MTFP1: variants seen among roughly 807,000 people sequenced by gnomAD.
The protein encoded by MTFP1 is mitochondrial fission process protein 1.
In MTFP1, 19 loss-of-function variants were observed where a neutral mutation model predicts 17.1. That is an observed-to-expected ratio of 1.11 (90% CI 0.77 to 1.63). MTFP1 has a LOEUF of 1.63. MTFP1 is among the 40% of genes most tolerant of loss of function. The pLI is 0.00. For synonymous variants in MTFP1, 89 were observed against 95.2 expected, an observed-to-expected ratio of 0.93 and a Z score of 0.38; for missense variants, 221 against 226.2, an observed-to-expected ratio of 0.98 and a Z score of 0.15.
chr22:30,426,253 C>T (rs1934666342), intron 1 of MTFP1, among the ~76,000 whole-genome samples: 2 of 152,132 alleles, frequency 1.3e-5, no homozygotes, highest in African/African-American at 4.8e-5. Context: ...CTGTCTGAAC[C>T]TCAGTTTCCT....
rs1263630676 is a variant in MTFP1 at position 30,427,221 on chromosome 22, G to A, written c.246G>A (p.Val82=). The change falls in exon 3 of 4, where the codon GTG becomes GTA. Residue 82 remains valine, a synonymous_variant. Transcript: ENST00000266263. Reference sequence around the variant, plus strand: ...GCGCCAGGGTGACTGTGGCTGTGGTGGACACCTTTGTATGGCAGGCTCTAG... The same window carrying A: ...GCGCCAGGGTGACTGTGGCTGTGGTAGACACCTTTGTATGGCAGGCTCTAG... ...GRSARVTVAV[V]DTFVWQALAS... is the part of the protein sequence containing the mutation. 6.2e-7 allele frequency: 1 copy of A among 1,613,964 alleles called. No homozygotes were observed. The highest frequency in any genetic ancestry group is 1.3e-5 in the African/African-American group (1 of 74,936).
rs1035324751 is a variant in MTFP1 at position 30,425,964 on chromosome 22, G to A, written c.67+18G>A. ...ATACCTGGGTGAGCGCGGGGCGACG[G>A]GCGCGGCGACCCCACCACCACTGGG... On this transcript the variant is annotated intron_variant, in intron 1 of 3. Transcript: ENST00000266263. 2.7e-6 allele frequency: 4 copies of A among 1,497,990 alleles called. No individual in the cohort carries two copies. Among genetic ancestry groups the A allele is most frequent in the Admixed American group, 2.3e-5 (1 of 43,944 alleles). The allele number at this position is 1,497,990 out of a possible 1,614,324, so 92.8% of individuals were successfully genotyped here. A position where few individuals can be genotyped will look rare whatever the true frequency, so the allele number is the denominator to read the frequency against.
At chr22:30,428,004 A>T (rs1349068362) in intron 3 of MTFP1, among the ~76,000 whole-genome samples, 1 of 152,190 alleles carries the variant, frequency 6.6e-6, no homozygotes. Context: ...GAAGCTTTTA[A>T]ACAGTAACAA....
rs770360494 is a variant in MTFP1 at position 30,427,278 on chromosome 22, C to T, written c.303C>T (p.Asn101=). The change falls in exon 3 of 4, where the codon AAC becomes AAT. Residue 101 remains asparagine, a synonymous_variant. Transcript: ENST00000266263. ...TGGCCATTCCGGGCTTCACCATCAA[C>T]CGCGTGTGTGCTGCCTCTCTCTATG... The part of the protein sequence containing the change: ...ASVAIPGFTI[N]RVCAASLYVL... 8 of 1,613,974 alleles carry T rather than the reference C, an allele frequency of 5.0e-6. No individual in the cohort carries two copies. Among genetic ancestry groups the T allele is most frequent in the Non-Finnish European group, 5.1e-6 (6 of 1,180,052 alleles).
intron 3 of MTFP1, among the ~76,000 whole-genome samples, chr22:30,428,106 G>A (rs1466344076): frequency 1.3e-5 from 2 of 152,156 alleles, no homozygotes; most frequent in Non-Finnish European, 2.9e-5. Context: ...CCAGGCTTGG[G>A]TCACGTGCTT....
At chr22:30,426,026 C>A in intron 1 of MTFP1, 80 bp downstream of exon 1, 2 of 1,288,836 alleles carry the variant, frequency 1.6e-6, no homozygotes. Context: ...CCGCCCGGGG[C>A]CTGGAGGAGG....
At position 30,427,307 on chromosome 22, in the gene MTFP1, T is replaced by C. The variant is rs1050012623; in HGVS notation, c.332T>C (p.Leu111Pro). Reference sequence around the variant, plus strand: ...GTGTGTGCTGCCTCTCTCTATGTCCTGGGCACTGCCACCCGCTGGCCCCTG... The same window carrying C: ...GTGTGTGCTGCCTCTCTCTATGTCCCGGGCACTGCCACCCGCTGGCCCCTG... Reference protein sequence around the residue: ...NRVCAASLYVLGTATRWPLAV... With the variant: ...NRVCAASLYVPGTATRWPLAV... Residue 111 changes from leucine to proline, a missense_variant, in exon 3 of 4, where the codon CTG becomes CCG. Transcript: ENST00000266263. The C allele has an allele frequency of 1.9e-6, 3 of 1,614,024 alleles. No individual in the cohort carries two copies. In the East Asian group the frequency reaches 6.7e-5, roughly 36 times the overall value.
At position 30,426,855 on chromosome 22, in the gene MTFP1, G is replaced by C; in HGVS notation, c.195+11G>C. The C allele has an allele frequency of 6.2e-7, 1 of 1,607,336 alleles. No individual in the cohort carries two copies. The highest frequency in any genetic ancestry group is 8.5e-7 in the Non-Finnish European group (1 of 1,179,702). On this transcript the variant is annotated intron_variant, in intron 2 of 3. Coordinates refer to ENST00000266263, the MANE Select transcript of MTFP1 (RefSeq NM_016498.5). ...AAGAAGGCTGGAGAGGTGAGTGTTA[G>C]CCTATTTTCCAACCCCCAACCCTAG...
chr22:30,427,449 A>G (rs760870980), intron 3 of MTFP1, 46 bp downstream of exon 3: 3 of 1,559,808 alleles, frequency 1.9e-6, no homozygotes, highest in Admixed American at 1.7e-5. Context: ...TCCAGTGATG[A>G]GAGTGGATCA....
rs1569217272 is a variant in MTFP1 at position 30,428,360 on chromosome 22, A to G, written c.429-102A>G. The G allele has an allele frequency of 4.2e-6, 4 of 961,676 alleles. No individual in the cohort carries two copies. In the East Asian group the frequency reaches 1.0e-4, roughly 25 times the overall value. 59.6% of individuals were successfully genotyped at this position (961,676 alleles called of 1,614,324 possible). Reference sequence around the variant, plus strand: ...GGGTCTCTGGCTGGATGGCATTTGTATCCTGCATCTAAGCGCCCCTTTCCC... The same window carrying G: ...GGGTCTCTGGCTGGATGGCATTTGTGTCCTGCATCTAAGCGCCCCTTTCCC... On this transcript the variant is annotated intron_variant, in intron 3 of 3. Coordinates refer to ENST00000266263, the MANE Select transcript of MTFP1 (RefSeq NM_016498.5).
Position 30,428,669 on chromosome 22 carries a change from G to A in MTFP1, c.*135G>A, listed in dbSNP as rs750094735. The A allele has an allele frequency of 8.1e-6, 13 of 1,613,916 alleles. No individual in the cohort carries two copies. Among genetic ancestry groups the A allele is most frequent in the Non-Finnish European group, 1.1e-5 (13 of 1,179,986 alleles). On this transcript the variant is annotated 3_prime_UTR_variant, in exon 4 of 4. Coordinates refer to ENST00000266263, the MANE Select transcript of MTFP1 (RefSeq NM_016498.5). ...CTGGGTGGGTTTGAGCTGGACAGAA[G>A]CTTAGAGACAAAGGCTTCAAGAAGC... is the stretch of plus-strand genomic sequence containing the variant.
At position 30,427,433 on chromosome 22, in the gene MTFP1, C is replaced by G. The variant is rs774524277; in HGVS notation, c.428+30C>G. ...GTACCTTCTTGGCCTCAGGGATCAT[C>G]CACTCTCCAGTGATGAGAGTGGATC... On this transcript the variant is annotated intron_variant, in intron 3 of 3. Transcript: ENST00000266263. 12 of 1,591,800 alleles carry G rather than the reference C, an allele frequency of 7.5e-6. No individual in the cohort carries two copies. The Admixed American group carries it at 8.3e-5, about 11-fold the overall frequency.
intron 2 of MTFP1, 98 bp from the exon 3 acceptor site, chr22:30,427,073 C>A (rs747922106): frequency 7.0e-7 from 1 of 1,429,970 alleles, no homozygotes; most frequent in Non-Finnish European, 9.9e-7. Context: ...GCGGACAAGT[C>A]CACTGGCCAC....
Position 30,428,725 on chromosome 22 carries a change from A to G in MTFP1, c.*191A>G. 1 of 1,543,586 alleles carries G rather than the reference A, an allele frequency of 6.5e-7. No homozygotes were observed. Among genetic ancestry groups the G allele is most frequent in the East Asian group, 2.3e-5 (1 of 44,434 alleles). ...CTGCAGGGAGTCACAGAAGGGCAGG[A>G]CCTGAACGCTGTCTGCTTCCCTGGA... is the stretch of plus-strand genomic sequence containing the variant. On this transcript the variant is annotated 3_prime_UTR_variant, in exon 4 of 4. Coordinates refer to ENST00000266263, the MANE Select transcript of MTFP1 (RefSeq NM_016498.5).
chr22:30,426,543 G>A (rs778506159), intron 1 of MTFP1, among the ~76,000 whole-genome samples, 174 bp from the exon 2 acceptor site: 1 of 152,216 alleles, frequency 6.6e-6, no homozygotes, highest in Non-Finnish European at 1.5e-5. Context: ...GCCCGAGTCC[G>A]AGGTGGGCAT....
In MTFP1 at chr22:30,425,775, G is replaced by A. The variant is rs886959397; in HGVS notation, c.-105G>A. 18 of 1,209,376 alleles carry A rather than the reference G, an allele frequency of 1.5e-5. No individual in the cohort carries two copies. The highest frequency in any genetic ancestry group is 6.4e-5 in the African/African-American group (4 of 62,388). The allele number at this position is 1,209,376 out of a possible 1,614,324, so 74.9% of individuals were successfully genotyped here. A position where few individuals can be genotyped will look rare whatever the true frequency, so the allele number is the denominator to read the frequency against. On this transcript the variant is annotated 5_prime_UTR_variant, in exon 1 of 4. Transcript: ENST00000266263. ...GAGATTTCCTGACCTGTCCTTCGGC[G>A]CGGGACTTTCGGCGGGTCCCGGCCG... is the stretch of plus-strand genomic sequence containing the variant.
intron 1 of MTFP1, 93 bp downstream of exon 1, chr22:30,426,039 G>GGAT: frequency 8.2e-7 from 1 of 1,212,962 alleles, no homozygotes; most frequent in Non-Finnish European, 1.1e-6. Flanking sequence ...GGAGGAGGCG[G>GGAT]GATGATCTTA....
intron 1 of MTFP1, 73 bp from the exon 2 acceptor site, chr22:30,426,644 T>G: frequency 1.3e-4 from 211 of 1,576,052 alleles, no homozygotes; most frequent in Middle Eastern, 2.1e-4. Context: ...CTGGCTAGGA[T>G]GAGAACCAGC....
chr22:30,426,837 C>T lies in MTFP1; in HGVS notation c.188C>T (p.Ala63Val), dbSNP rs1339797659. The part of the protein sequence containing the change: ...LADAIDKGKK[A>V]GEVPSPEAGR... ...GATGCCATTGACAAAGGCAAGAAGG[C>T]TGGAGAGGTGAGTGTTAGCCTATTT... The change falls in exon 2 of 4, where the codon GCT (alanine) becomes GTT (valine). Residue 63 changes from alanine to valine, a missense_variant. Coordinates refer to ENST00000266263, the MANE Select transcript of MTFP1 (RefSeq NM_016498.5). The T allele has an allele frequency of 1.2e-6, 2 of 1,610,868 alleles. No homozygotes were observed. Among genetic ancestry groups the T allele is most frequent in the Non-Finnish European group, 1.7e-6 (2 of 1,179,972 alleles).
Sources: gnomAD v4.1 joint callset for allele counts (sites outside exome capture counted in the v4.1 genomes callset) on GRCh38, gnomAD v4.1.1 for gene constraint, MANE v1.5 for transcripts, NCBI Gene and HGNC (gene_info 2026-07-23, HGNC 2026-07-21) for gene names.